Variants in EBF1 observed in about 807,000 individuals in gnomAD.
EBF1 encodes the protein EBF transcription factor 1.
In EBF1, 10 loss-of-function variants were observed where a neutral mutation model predicts 68.4. The ratio of observed to expected loss-of-function variants is 0.15; its 90% CI spans 0.09 to 0.25. The LOEUF (loss-of-function observed/expected upper bound fraction) is 0.25, where lower values mean the gene tolerates loss of function less well. EBF1 is among the 10% of genes least tolerant of loss of function. The pLI is 1.00. For synonymous variants in EBF1, 298 were observed against 299.8 expected (o/e 0.99, Z 0.06); for missense variants, 509 against 794.4 (o/e 0.64, Z 4.32).
chr5:158,931,737 T>C (rs569019850), intron 6 of EBF1, among the ~76,000 whole-genome samples: 1 of 152,284 alleles, frequency 6.6e-6, no homozygotes, highest in South Asian at 2.1e-4. Context: ...CTATCTAATG[T>C]GCATTAATGC....
intron 6 of EBF1, among the ~76,000 whole-genome samples, chr5:158,906,110 G>A (rs759286983): frequency 1.3e-5 from 2 of 152,032 alleles, no homozygotes; most frequent in Non-Finnish European, 2.9e-5. Flanking sequence ...AAGGTGGTTC[G>A]ATAGGGAAAG....
chr5:158,699,515 C>G (rs541541402), intron 15 of EBF1, among the ~76,000 whole-genome samples: 4 of 152,236 alleles, frequency 2.6e-5, no homozygotes, highest in African/African-American at 4.8e-5. Context: ...TTTTCCCTCC[C>G]CTTCACACCC....
chr5:158,744,334 C>A (rs918324807), intron 10 of EBF1, among the ~76,000 whole-genome samples: 1 of 137,658 alleles, frequency 7.3e-6, no homozygotes, highest in Non-Finnish European at 1.6e-5. Flanking sequence ...GACAAATACA[C>A]GTCAAAAAGG....
intron 6 of EBF1, among the ~76,000 whole-genome samples, chr5:158,970,258 A>G (rs1217742837): frequency 2.0e-5 from 3 of 152,200 alleles, no homozygotes; most frequent in Non-Finnish European, 4.4e-5. Context: ...TATTTTTCCC[A>G]TAAACCACCG....
At chr5:158,704,973 G>A (rs1053200552) in intron 15 of EBF1, among the ~76,000 whole-genome samples, 9 of 152,164 alleles carry the variant, frequency 5.9e-5, no homozygotes, top group South Asian at 2.1e-4. Flanking sequence ...ATGACAGTAC[G>A]AGCAAACCAA....
intron 6 of EBF1, among the ~76,000 whole-genome samples, chr5:159,064,959 G>A (rs563211311): frequency 2.3e-5 from 3 of 129,338 alleles, no homozygotes; most frequent in African/African-American, 3.0e-5. Flanking sequence ...GTGTATGTGC[G>A]TATGTGTGTG....
intron 10 of EBF1, among the ~76,000 whole-genome samples, chr5:158,736,449 T>C (rs1215152370): frequency 1.3e-5 from 2 of 152,226 alleles, no homozygotes; most frequent in African/African-American, 4.8e-5. Context: ...TAATTTCCTT[T>C]TTTTAATGGT....
At chr5:159,083,313 T>C (rs1408565043) in intron 5 of EBF1, among the ~76,000 whole-genome samples, 2 of 152,228 alleles carry the variant, frequency 1.3e-5, no homozygotes, top group African/African-American at 4.8e-5. Flanking sequence ...CTCAGCTTTA[T>C]TGTAGAATTG....
chr5:158,912,151 T>C (rs1008444718), intron 6 of EBF1, among the ~76,000 whole-genome samples: 1 of 152,218 alleles, frequency 6.6e-6, no homozygotes, highest in African/African-American at 2.4e-5. Context: ...GGGCTGCACA[T>C]GTCTTAGGAG....
intron 6 of EBF1, among the ~76,000 whole-genome samples, chr5:158,992,767 C>T (rs1433419885): frequency 6.6e-6 from 1 of 151,982 alleles, no homozygotes; most frequent in African/African-American, 2.4e-5. Context: ...TTTAAAAAGA[C>T]ATCTGGGAAC....
At chr5:159,059,718 C>A (rs982093736) in intron 6 of EBF1, among the ~76,000 whole-genome samples, 2 of 152,156 alleles carry the variant, frequency 1.3e-5, no homozygotes, top group Non-Finnish European at 2.9e-5. Flanking sequence ...GAAAACAGTT[C>A]TACTGTAATG....
intron 5 of EBF1, among the ~76,000 whole-genome samples, chr5:159,079,455 T>C (rs1309125813): frequency 6.6e-6 from 1 of 152,180 alleles, no homozygotes; most frequent in Admixed American, 6.6e-5. Context: ...AACCACATAA[T>C]ACGGGCATCC....
intron 10 of EBF1, among the ~76,000 whole-genome samples, chr5:158,772,808 A>G (rs1024561566): frequency 6.6e-6 from 1 of 152,184 alleles, no homozygotes; most frequent in Non-Finnish European, 1.5e-5. Context: ...AATGGCCACC[A>G]TTTATTAATG....
intron 6 of EBF1, among the ~76,000 whole-genome samples, chr5:158,890,155 A>G (rs1405337999): frequency 6.6e-6 from 1 of 152,190 alleles, no homozygotes; most frequent in Non-Finnish European, 1.5e-5. Context: ...GAAAATATAT[A>G]TGCTAGATAT....
intron 6 of EBF1, among the ~76,000 whole-genome samples, chr5:158,978,829 C>CAGAG (rs1211703789): frequency 2.4e-5 from 3 of 125,230 alleles, no homozygotes; most frequent in African/African-American, 8.8e-5. Context: ...CACACACACA[C>CAGAG]ACACACAGAG....
At chr5:158,826,741 G>A (rs1010828064) in intron 7 of EBF1, among the ~76,000 whole-genome samples, 27 of 152,048 alleles carry the variant, frequency 1.8e-4, no homozygotes, top group South Asian at 8.3e-4. Context: ...GAGAGTATTC[G>A]TTATAAGAGA....
At chr5:159,009,454 C>A (rs1283299248) in intron 6 of EBF1, among the ~76,000 whole-genome samples, 1 of 152,184 alleles carries the variant, frequency 6.6e-6, no homozygotes, top group African/African-American at 2.4e-5. Context: ...ATCACACTTT[C>A]TTTACTATGC....
chr5:158,776,520 GTACT>G (rs1231501716), intron 10 of EBF1, among the ~76,000 whole-genome samples: 1 of 152,160 alleles, frequency 6.6e-6, no homozygotes, highest in African/African-American at 2.4e-5. Context: ...CTTCCGCTCT[GTACT>G]TAATCTGGTC....
intron 15 of EBF1, among the ~76,000 whole-genome samples, chr5:158,704,633 T>C (rs182722607): frequency 1.5e-3 from 229 of 152,286 alleles, no homozygotes; most frequent in African/African-American, 5.1e-3. Context: ...TTTTTTCTTT[T>C]TTTTTTTTAT....
Sources: gnomAD v4.1 joint callset for allele counts (sites outside exome capture counted in the v4.1 genomes callset) on GRCh38, gnomAD v4.1.1 for gene constraint, MANE v1.5 for transcripts, NCBI Gene and HGNC (gene_info 2026-07-23, HGNC 2026-07-21) for gene names.